Variants in CCDC3 observed in about 807,000 individuals in gnomAD.
CCDC3 encodes coiled-coil domain containing 3.
A neutral mutation model predicts 21.4 loss-of-function variants in CCDC3; 24 were observed. That is an observed-to-expected ratio of 1.12 (90% confidence interval 0.81 to 1.58). CCDC3 has a LOEUF of 1.58. Ranked by LOEUF, CCDC3 falls within the 40% of genes most tolerant of loss-of-function variation. The probability of loss-of-function intolerance (pLI) is 0.00; values close to 1 mark genes in which losing one functional copy is unlikely to be tolerated. For synonymous variants in CCDC3, 186 were observed against 166.0 expected, an observed-to-expected ratio of 1.12 and a Z score of -0.93; for missense variants, 425 against 360.9, an observed-to-expected ratio of 1.18 and a Z score of -1.44.
chr10:12,971,767 C>T (rs767156082), intron 2 of CCDC3, among the ~76,000 whole-genome samples: 12 of 152,162 alleles, frequency 7.9e-5, no homozygotes, highest in Non-Finnish European at 1.3e-4. Context: ...CTCACTGCAA[C>T]CTCCGCCTCC....
chr10:12,934,801 G>A (rs936191713), intron 2 of CCDC3, among the ~76,000 whole-genome samples: 7 of 151,478 alleles, frequency 4.6e-5, no homozygotes, highest in Middle Eastern at 3.4e-3. Context: ...GGCTTTCTGC[G>A]TCCCTTTATC....
intron 5 of CCDC3, among the ~76,000 whole-genome samples, chr10:13,021,357 C>G (rs1836142392): frequency 6.6e-6 from 1 of 152,216 alleles, no homozygotes; most frequent in Non-Finnish European, 1.5e-5. Flanking sequence ...CTCTCCACTT[C>G]AATCCTCTCT....
At chr10:13,049,113 A>G (rs996486033) in intron 5 of CCDC3, among the ~76,000 whole-genome samples, 3 of 152,174 alleles carry the variant, frequency 2.0e-5, no homozygotes, top group Admixed American at 6.5e-5. Flanking sequence ...CACTGAAGAG[A>G]CACAATAACG....
chr10:13,099,319 A>G (rs1832684506), intron 1 of CCDC3: 1 of 151,990 alleles, frequency 6.6e-6, no homozygotes, highest in Admixed American at 6.6e-5. Flanking sequence ...CCTGTTTCAG[A>G]TTAGGTTTTG....
intron 2 of CCDC3, among the ~76,000 whole-genome samples, chr10:12,969,608 A>G (rs970190458): frequency 6.6e-6 from 1 of 151,388 alleles, no homozygotes; most frequent in African/African-American, 2.4e-5. Flanking sequence ...GTTTATTGAC[A>G]GATGAATGGA....
chr10:13,005,380 C>T (rs998034331), upstream of CCDC3, among the ~76,000 whole-genome samples: 1 of 152,206 alleles, frequency 6.6e-6, no homozygotes, highest in Non-Finnish European at 1.5e-5. Context: ...ACCATCTGGA[C>T]CTGCCCAATC....
chr10:12,921,384 G>T (rs568552766), intron 2 of CCDC3, among the ~76,000 whole-genome samples: 2 of 152,108 alleles, frequency 1.3e-5, no homozygotes, highest in Non-Finnish European at 2.9e-5. Context: ...GTCAGCCCGG[G>T]GCCCAGAGCT....
intron 5 of CCDC3, among the ~76,000 whole-genome samples, chr10:13,019,060 C>T (rs970319163): frequency 2.0e-5 from 3 of 151,928 alleles, no homozygotes; most frequent in Admixed American, 6.6e-5. Flanking sequence ...GGTGAAACCC[C>T]GTCTCTACTA....
chr10:12,951,680 C>T (rs966480309), intron 2 of CCDC3, among the ~76,000 whole-genome samples: 1 of 151,962 alleles, frequency 6.6e-6, no homozygotes, highest in African/African-American at 2.4e-5. Flanking sequence ...TGGCATGCGC[C>T]TGTAGTCCCA....
At chr10:13,041,509 T>TTA (rs1836454936) in intron 5 of CCDC3, among the ~76,000 whole-genome samples, 1 of 13,264 alleles carries the variant, frequency 7.5e-5, no homozygotes, top group African/African-American at 1.3e-4. Flanking sequence ...AGATAATTTT[T>TTA]TTTTTTTTTT....
At chr10:13,097,148 C>T (rs1044622028) in intron 3 of CCDC3, among the ~76,000 whole-genome samples, 1 of 152,178 alleles carries the variant, frequency 6.6e-6, no homozygotes. Flanking sequence ...TCCCACACTG[C>T]TCTACATTTA....
In CCDC3 at chr10:12,958,108, T is replaced by G. The variant is rs570190139; in HGVS notation, c.549+40230A>C. Among the ~76,000 whole-genome samples the G allele has an allele frequency of 3.9e-5, 6 of 152,282 alleles. No homozygotes were observed. The East Asian group carries it at 1.2e-3, about 29-fold the overall frequency. ...TCCCAAAGTGCTGGGATTACAGGCT[T>G]GAGCCCCTATTCCTGGCCTAAACCT... On this transcript the variant is annotated intron_variant, in intron 2 of 2. Transcript: ENST00000378825.
intron 5 of CCDC3, among the ~76,000 whole-genome samples, chr10:13,027,138 A>C (rs1049430100): frequency 6.6e-6 from 1 of 152,068 alleles, no homozygotes; most frequent in Non-Finnish European, 1.5e-5. Context: ...AAGAATAGGG[A>C]GTTGGTCTAT....
intron 5 of CCDC3, among the ~76,000 whole-genome samples, chr10:13,021,019 A>T (rs192953689): frequency 1.3e-5 from 2 of 152,332 alleles, no homozygotes; most frequent in African/African-American, 2.4e-5. Context: ...ATCAACATAC[A>T]ACTTCAGCTT....
At chr10:12,995,892 G>T (rs573342413) in intron 2 of CCDC3, among the ~76,000 whole-genome samples, 12 of 152,266 alleles carry the variant, frequency 7.9e-5, no homozygotes, top group African/African-American at 2.6e-4. Flanking sequence ...CCCAAATGAT[G>T]GAAAAATCTA....
At chr10:13,021,348 T>C (rs1269034066) in intron 5 of CCDC3, among the ~76,000 whole-genome samples, 2 of 152,196 alleles carry the variant, frequency 1.3e-5, no homozygotes, top group Admixed American at 6.5e-5. Flanking sequence ...CAAAATCTTC[T>C]CTCCACTTCA....
intron 2 of CCDC3, among the ~76,000 whole-genome samples, chr10:12,978,940 C>T (rs10160138): frequency 0.013 from 1,960 of 152,280 alleles, 50 homozygotes; most frequent in African/African-American, 0.045. Context: ...ACCTTGGGAA[C>T]TGAGTCACGC....
At chr10:12,939,462 A>C (rs1024847311) in intron 2 of CCDC3, among the ~76,000 whole-genome samples, 4 of 152,172 alleles carry the variant, frequency 2.6e-5, no homozygotes, top group Non-Finnish European at 5.9e-5. Flanking sequence ...ATCTCTACTG[A>C]AAATACAAAA....
chr10:13,090,067 A>ACCGTTTCTTTCTTTTTTTTTTTTTTTTT (rs1372347475), intron 3 of CCDC3, among the ~76,000 whole-genome samples: 2 of 47,768 alleles, frequency 4.2e-5, no homozygotes, highest in African/African-American at 7.1e-5. Flanking sequence ...ATATATATAT[A>ACCGTTTCTTTCTTTTTTTTTTTTTTTTT]TATATATATA....
Sources: allele counts gnomAD v4.1 joint callset (sites outside exome capture counted in the v4.1 genomes callset), GRCh38; gene constraint gnomAD v4.1.1; transcripts MANE v1.5; gene names NCBI Gene and HGNC (gene_info 2026-07-23, HGNC 2026-07-21).